The following PCDHGA1 variants were observed in gnomAD, a reference collection of about 807,000 sequenced individuals.
PCDHGA1 encodes the protein protocadherin gamma subfamily A, 1, also known as protocadherin gamma-A1.
Under a neutral mutation model 58.0 loss-of-function variants are expected in PCDHGA1, and 32 were observed. That is an observed-to-expected ratio of 0.55 (90% CI 0.42 to 0.74). PCDHGA1 has a LOEUF of 0.74. Among genes scored for constraint, PCDHGA1 ranks in the 30% least tolerant of loss-of-function variants. The pLI is 0.00. For missense variants in PCDHGA1, 1,205 were observed against 1,182.3 expected, an observed-to-expected ratio of 1.02 and a Z score of -0.28; for synonymous variants, 498 against 501.1, an observed-to-expected ratio of 0.99 and a Z score of 0.08.
At chr5:141,342,876 T>G (rs1757221720) in intron 1 of PCDHGA1, 1 of 152,204 alleles carries the variant, frequency 6.6e-6, no homozygotes, top group Admixed American at 6.5e-5. Flanking sequence ...AAAACATCCT[T>G]ACAGTCTAGA....
intron 1 of PCDHGA1, chr5:141,383,195 G>T: frequency 1.2e-6 from 2 of 1,614,044 alleles, no homozygotes; most frequent in Non-Finnish European, 1.7e-6. Flanking sequence ...TGCGCTCAGA[G>T]TGCGCGGTGT....
chr5:141,421,953 G>A lies in PCDHGA1; in HGVS notation c.2422-72854G>A, dbSNP rs193141134. On this transcript the variant is annotated intron_variant, in intron 1 of 3. Coordinates refer to ENST00000517417, the MANE Select transcript of PCDHGA1 (RefSeq NM_018912.3). ...TCGATGTAAATGATCACATCCCAATGTTTACACAGTCCGTATATCGCGTGA... is the reference window on the plus strand; with the variant it reads ...TCGATGTAAATGATCACATCCCAATATTTACACAGTCCGTATATCGCGTGA... 1.8e-4 allele frequency: 295 copies of A among 1,612,962 alleles called. 5 individuals are homozygous for A. In the East Asian group the frequency reaches 4.0e-3, roughly 22 times the overall value.
At chr5:141,355,454 T>G in intron 1 of PCDHGA1, 3 of 1,614,066 alleles carry the variant, frequency 1.9e-6, no homozygotes, top group Middle Eastern at 1.6e-4. Flanking sequence ...GGCACCTTGG[T>G]CACCGCGGGT....
chr5:141,447,481 A>G lies in PCDHGA1; in HGVS notation c.2422-47326A>G, dbSNP rs141192758. 3.9e-3 allele frequency among the ~76,000 whole-genome samples: 591 copies of G among 152,326 alleles called. 6 individuals carry two copies. The highest frequency in any genetic ancestry group is 0.011 in the Admixed American group (170 of 15,286). ...TTTTCTTCACCATCTGTAAAACTGC[A>G]TAGAAGGAATGTTTAGGATAAAAGA... On this transcript the variant is annotated intron_variant, in intron 1 of 3. Transcript: ENST00000517417.
Position 141,486,955 on chromosome 5 carries a change from T to A in PCDHGA1, c.2422-7852T>A, listed in dbSNP as rs1459820579. 1.9e-6 allele frequency: 3 copies of A among 1,614,128 alleles called. No individual in the cohort carries two copies. The highest frequency in any genetic ancestry group is 2.5e-6 in the Non-Finnish European group (3 of 1,180,048). ...CTGGCCACCTAATCACAAAGGTGACTGCTGTGGACTTGGATTCAGGTTACA... is the reference window on the plus strand; with the variant it reads ...CTGGCCACCTAATCACAAAGGTGACAGCTGTGGACTTGGATTCAGGTTACA... On this transcript the variant is annotated intron_variant, in intron 1 of 3. Coordinates refer to ENST00000517417, the MANE Select transcript of PCDHGA1 (RefSeq NM_018912.3). This position sits in a 1 kb window ranked among gnomAD's most constrained non-coding sequence, Gnocchi z 5.0.
At chr5:141,403,118 C>A (rs780657795) in intron 1 of PCDHGA1, 2 of 1,614,058 alleles carry the variant, frequency 1.2e-6, no homozygotes. Context: ...GGCTCTGGAG[C>A]CCCGGGAGCT....
At chr5:141,357,757 G>T in intron 1 of PCDHGA1, 3 of 1,061,912 alleles carry the variant, frequency 2.8e-6, no homozygotes, top group Non-Finnish European at 4.0e-6. Flanking sequence ...AAAACTGGTG[G>T]ATGACCTTCC....
intron 1 of PCDHGA1, chr5:141,361,052 A>T: frequency 6.2e-7 from 1 of 1,613,800 alleles, no homozygotes; most frequent in South Asian, 1.1e-5. Flanking sequence ...ACAAAGGATG[A>T]TTTGGATTTT....
chr5:141,427,711 A>G, intron 1 of PCDHGA1: 1 of 1,036,496 alleles, frequency 9.6e-7, no homozygotes. Context: ...AGCGCCTCTG[A>G]CCTGGACCTA....
chr5:141,351,028 C>A (rs1280700685), intron 1 of PCDHGA1: 3 of 1,614,092 alleles, frequency 1.9e-6, no homozygotes, highest in Non-Finnish European at 2.5e-6. Flanking sequence ...CGTGGGGAAC[C>A]TCCGTGCTGC....
Position 141,431,354 on chromosome 5 carries a change from G to GCC in PCDHGA1, c.2422-63451_2422-63450dup. The GCC allele has an allele frequency of 6.2e-7, 1 of 1,614,036 alleles. No individual in the cohort carries two copies. Among genetic ancestry groups the GCC allele is most frequent in the African/African-American group, 1.3e-5 (1 of 75,052 alleles). On this transcript the variant is annotated intron_variant, in intron 1 of 3. Transcript: ENST00000517417. This position sits in a 1 kb window ranked among gnomAD's most constrained non-coding sequence, Gnocchi z 4.8. Reference sequence around the variant, plus strand: ...GTACCCCGAATTGGTGCTGAAACGCGCCCTGGACCGCGAAGAAAAGGCTGC... The same window carrying GCC: ...GTACCCCGAATTGGTGCTGAAACGCGCCCCCTGGACCGCGAAGAAAAGGCTGC...
chr5:141,476,238 G>C lies in PCDHGA1; in HGVS notation c.2422-18569G>C, dbSNP rs764976894. ...ATTCACTATGAGATCCCGGAGGAAA[G>C]AGAGAAGGGTTTCGCTGTGGGCAAC... On this transcript the variant is annotated intron_variant, in intron 1 of 3. Coordinates refer to ENST00000517417, the MANE Select transcript of PCDHGA1 (RefSeq NM_018912.3). The surrounding 1 kb of genome is among the most constrained non-coding windows in gnomAD (Gnocchi z 7.6). 1 of 1,614,098 alleles carries C rather than the reference G, an allele frequency of 6.2e-7. No individual in the cohort carries two copies.
At chr5:141,361,723 C>T (rs1282437481) in intron 1 of PCDHGA1, 3 of 1,613,236 alleles carry the variant, frequency 1.9e-6, no homozygotes, top group Non-Finnish European at 2.5e-6. Context: ...CGCCTTCGAG[C>T]TCACACTGCA....
At position 141,490,460 on chromosome 5, in the gene PCDHGA1, TA is replaced by T. The variant is rs1393913480; in HGVS notation, c.2422-4345del. 1.2e-6 allele frequency: 2 copies of T among 1,614,094 alleles called. No individual in the cohort carries two copies. The highest frequency in any genetic ancestry group is 1.7e-6 in the Non-Finnish European group (2 of 1,180,048). On this transcript the variant is annotated intron_variant, in intron 1 of 3. Coordinates refer to ENST00000517417, the MANE Select transcript of PCDHGA1 (RefSeq NM_018912.3). The surrounding 1 kb of genome is among the most constrained non-coding windows in gnomAD (Gnocchi z 5.4). ...CCTTCTGAGAACCACTACTCGCTGC[TA>T]ACCAGCCAGCCTTTGGACCGGGAGG... is the stretch of plus-strand genomic sequence containing the variant.
intron 1 of PCDHGA1, chr5:141,360,795 A>T (rs755316172): frequency 6.2e-6 from 10 of 1,613,818 alleles, no homozygotes; most frequent in South Asian, 4.4e-5. Context: ...GCGGAGACCC[A>T]CCTCAAAGTG....
intron 1 of PCDHGA1, chr5:141,385,162 C>T (rs750299709): frequency 6.2e-7 from 1 of 1,614,118 alleles, no homozygotes; most frequent in African/African-American, 1.3e-5. Context: ...GACCTATTCC[C>T]ATGAGGTCTC....
chr5:141,376,532 G>A lies in PCDHGA1; in HGVS notation c.2421+43427G>A, dbSNP rs763806361. On this transcript the variant is annotated intron_variant, in intron 1 of 3. Transcript: ENST00000517417. ...GGTGAGTTTCTTTCCGCCTAAGCGGGAAGAGTAATCTGATCTTCCCGCAAC... is the reference window on the plus strand; with the variant it reads ...GGTGAGTTTCTTTCCGCCTAAGCGGAAAGAGTAATCTGATCTTCCCGCAAC... 3.7e-6 allele frequency: 6 copies of A among 1,613,740 alleles called. No individual in the cohort carries two copies. The Admixed American group carries it at 1.0e-4, about 27-fold the overall frequency.
chr5:141,388,521 A>T (rs978300482), intron 1 of PCDHGA1: 2 of 1,613,722 alleles, frequency 1.2e-6, no homozygotes, highest in African/African-American at 2.7e-5. Context: ...CTTGACTTTG[A>T]CTGCCTTGGA....
In PCDHGA1 at chr5:141,409,431, T is replaced by C. The variant is rs191277647; in HGVS notation, c.2421+76326T>C. 41 of 1,614,006 alleles carry C rather than the reference T, an allele frequency of 2.5e-5. No homozygotes were observed. In the African/African-American group the frequency reaches 3.9e-4, roughly 15 times the overall value. Reference sequence around the variant, plus strand: ...TACAAACTGGTGACAGATGGAGCCCTGGACCGAGAGCAGACACCAGAATAC... The same window carrying C: ...TACAAACTGGTGACAGATGGAGCCCCGGACCGAGAGCAGACACCAGAATAC... On this transcript the variant is annotated intron_variant, in intron 1 of 3. Transcript: ENST00000517417.
Sources: gnomAD v4.1 joint callset for allele counts (sites outside exome capture counted in the v4.1 genomes callset) on GRCh38, gnomAD v4.1.1 for gene constraint, Gnocchi (gnomAD v3.1) non-coding constraint, MANE v1.5 for transcripts, NCBI Gene and HGNC (gene_info 2026-07-23, HGNC 2026-07-21) for gene names.